The following KLHL32 variants were observed in gnomAD, a reference collection of about 807,000 sequenced individuals.
The protein encoded by KLHL32 is kelch-like protein 32.
Under a neutral mutation model 64.8 loss-of-function variants are expected in KLHL32, and 35 were observed. That is an observed-to-expected ratio of 0.54 (90% CI 0.41 to 0.72). The LOEUF is 0.72. KLHL32 is among the 30% of genes least tolerant of loss of function. The pLI is 0.00. For synonymous variants in KLHL32, 259 were observed against 281.0 expected (o/e 0.92, Z 0.78); for missense variants, 589 against 768.5 (o/e 0.77, Z 2.76).
intron 3 of KLHL32, among the ~76,000 whole-genome samples, chr6:96,986,224 C>T (rs543019971): frequency 6.6e-6 from 1 of 152,272 alleles, no homozygotes; most frequent in African/African-American, 2.4e-5. Context: ...CCGGATCGTT[C>T]CTCTGGAATT....
intron 7 of KLHL32, among the ~76,000 whole-genome samples, chr6:97,122,060 A>T (rs1295227209): frequency 2.6e-5 from 4 of 152,206 alleles, no homozygotes; most frequent in Non-Finnish European, 5.9e-5. Flanking sequence ...TGAGATTATA[A>T]AGGGCAGGTG....
chr6:96,980,258 C>T (rs573926669), intron 3 of KLHL32, among the ~76,000 whole-genome samples: 52 of 152,216 alleles, frequency 3.4e-4, no homozygotes, highest in African/African-American at 1.2e-3. Flanking sequence ...AAAGGGAATG[C>T]TCCAGCTTTT....
chr6:97,072,417 A>G (rs780840213), intron 5 of KLHL32, among the ~76,000 whole-genome samples: 7 of 152,176 alleles, frequency 4.6e-5, no homozygotes, highest in African/African-American at 9.7e-5. Flanking sequence ...TGATTTTTTA[A>G]AAAAATCACA....
At chr6:97,000,077 G>A (rs879637338) in intron 3 of KLHL32, among the ~76,000 whole-genome samples, 3 of 152,140 alleles carry the variant, frequency 2.0e-5, no homozygotes, top group Non-Finnish European at 4.4e-5. Context: ...GACAAAGAAG[G>A]AAAAGTCAAA....
At chr6:96,991,878 A>T (rs1283251560) in intron 3 of KLHL32, among the ~76,000 whole-genome samples, 2 of 152,072 alleles carry the variant, frequency 1.3e-5, no homozygotes, top group African/African-American at 4.8e-5. Context: ...GACGGCATTG[A>T]AAACAGGCCG....
intron 3 of KLHL32, among the ~76,000 whole-genome samples, chr6:97,037,745 G>A (rs371522926): frequency 6.6e-6 from 1 of 151,898 alleles, no homozygotes; most frequent in East Asian, 1.9e-4. Flanking sequence ...AAAGAACAAA[G>A]ACATTACACT....
chr6:96,930,882 C>A (rs1769790697), intron 1 of KLHL32, among the ~76,000 whole-genome samples: 1 of 152,118 alleles, frequency 6.6e-6, no homozygotes, highest in African/African-American at 2.4e-5. Context: ...TCTCTGGGCT[C>A]TATCATAGGA....
chr6:96,933,203 G>A (rs1488239810), intron 1 of KLHL32, among the ~76,000 whole-genome samples: 1 of 152,176 alleles, frequency 6.6e-6, no homozygotes, highest in Non-Finnish European at 1.5e-5. Context: ...CCTGGACCCA[G>A]TAAGGGATGA....
the KLHL32 span, among the ~76,000 whole-genome samples, chr6:96,898,372 AAT>A: frequency 3.0e-4 from 45 of 152,316 alleles, no homozygotes; most frequent in Middle Eastern, 3.4e-3. Context: ...GTGAAAGGAA[AAT>A]AATGAAAGGA....
At chr6:96,944,173 C>A (rs1268126716) in intron 1 of KLHL32, among the ~76,000 whole-genome samples, 4 of 152,132 alleles carry the variant, frequency 2.6e-5, no homozygotes, top group Non-Finnish European at 5.9e-5. Flanking sequence ...AATTACTGAT[C>A]ATGCTGACAC....
chr6:97,003,391 G>A (rs1409301306), intron 3 of KLHL32, among the ~76,000 whole-genome samples: 3 of 152,050 alleles, frequency 2.0e-5, no homozygotes, highest in Non-Finnish European at 4.4e-5. Context: ...ATTCTGGATA[G>A]TAGACCTTTG....
At chr6:96,930,836 A>G (rs1769785918) in intron 1 of KLHL32, among the ~76,000 whole-genome samples, 1 of 152,076 alleles carries the variant, frequency 6.6e-6, no homozygotes, top group South Asian at 2.1e-4. Flanking sequence ...AAGGAAAAGG[A>G]GGGAGGGTCA....
chr6:96,975,194 TG>T (rs1488018182), intron 2 of KLHL32, among the ~76,000 whole-genome samples: 1 of 152,178 alleles, frequency 6.6e-6, no homozygotes, highest in Non-Finnish European at 1.5e-5. Context: ...TGTTTTAGGT[TG>T]GGGTAGAGAG....
upstream of KLHL32, among the ~76,000 whole-genome samples, chr6:96,920,589 C>G (rs549352359): frequency 4.6e-5 from 7 of 152,218 alleles, no homozygotes; most frequent in South Asian, 1.5e-3. Context: ...CACACACACA[C>G]ATCTCCCTCC....
chr6:97,033,686 C>T (rs1449905557), intron 3 of KLHL32, among the ~76,000 whole-genome samples: 3 of 152,006 alleles, frequency 2.0e-5, no homozygotes, highest in South Asian at 4.1e-4. Flanking sequence ...CTCACCAACA[C>T]TTATCTTCTG....
chr6:96,922,251 C>T (rs1768774864), upstream of KLHL32, among the ~76,000 whole-genome samples: 1 of 152,188 alleles, frequency 6.6e-6, no homozygotes, highest in South Asian at 2.1e-4. Context: ...CAGACTACAA[C>T]TGGGAGTACA....
chr6:96,972,673 A>G (rs1775243606), intron 2 of KLHL32, among the ~76,000 whole-genome samples: 1 of 152,176 alleles, frequency 6.6e-6, no homozygotes, highest in South Asian at 2.1e-4. Flanking sequence ...GAAATTTAGA[A>G]GTTTTAGGAT....
chr6:97,027,934 A>G (rs1782974220), intron 3 of KLHL32, among the ~76,000 whole-genome samples: 1 of 152,212 alleles, frequency 6.6e-6, no homozygotes, highest in African/African-American at 2.4e-5. Context: ...GAGTGAACTC[A>G]TTGACCTTCT....
At chr6:97,064,300 T>A (rs1789371364) in intron 4 of KLHL32, among the ~76,000 whole-genome samples, 1 of 152,226 alleles carries the variant, frequency 6.6e-6, no homozygotes, top group Non-Finnish European at 1.5e-5. Flanking sequence ...TAAGATTATA[T>A]CACAAACTGA....
Sources: allele counts gnomAD v4.1 joint callset (sites outside exome capture counted in the v4.1 genomes callset), GRCh38; gene constraint gnomAD v4.1.1; transcripts MANE v1.5; gene names NCBI Gene and HGNC (gene_info 2026-07-23, HGNC 2026-07-21).